Variants in CACUL1 observed in about 807,000 individuals in gnomAD.
CACUL1 encodes CDK2 associated cullin domain 1, also known as CDK2-associated and cullin domain-containing protein 1.
Under a neutral mutation model 45.2 loss-of-function variants are expected in CACUL1, and 13 were observed. The observed-to-expected ratio is 0.29, with a 90% CI of 0.19 to 0.46. CACUL1 has a LOEUF of 0.46. CACUL1 is among the 20% of genes least tolerant of loss of function. The pLI, the probability that CACUL1 is intolerant of heterozygous loss-of-function variation, is 1.00. For missense variants in CACUL1, 421 were observed against 471.4 expected (o/e 0.89, Z 0.99); for synonymous variants, 197 against 174.2 (o/e 1.13, Z -1.03).
chr10:118,696,326 A>G (rs1222373891), intron 5 of CACUL1, among the ~76,000 whole-genome samples: 6 of 152,168 alleles, frequency 3.9e-5, no homozygotes, highest in Admixed American at 6.5e-5. Flanking sequence ...AGCTTAAAAA[A>G]AAATTGCAAA....
chr10:118,701,513 A>T, intron 4 of CACUL1, 105 bp from the exon 5 acceptor site: 1 of 520,562 alleles, frequency 1.9e-6, no homozygotes, highest in Non-Finnish European at 3.2e-6. Context: ...AAAGGCATCA[A>T]TTAAAGCAGA....
chr10:118,729,241 G>T, intron 3 of CACUL1, 54 bp downstream of exon 3: 1 of 1,196,770 alleles, frequency 8.4e-7, no homozygotes, highest in Non-Finnish European at 1.2e-6. Flanking sequence ...AAAGCTAACT[G>T]CAACCAGTCA....
rs1845119776 is a variant in CACUL1 at position 118,678,579 on chromosome 10, G to A, written c.*7549C>T. 1 of 151,668 alleles carries A rather than the reference G, an allele frequency of 6.6e-6. No homozygotes were observed. The highest frequency in any genetic ancestry group is 2.1e-4 in the South Asian group (1 of 4,818). 9.4% of individuals were successfully genotyped at this position (151,668 alleles called of 1,614,324 possible). On this transcript the variant is annotated 3_prime_UTR_variant, in exon 9 of 9. Coordinates refer to ENST00000369151, the MANE Select transcript of CACUL1 (RefSeq NM_153810.5). ...AGTTGAGATTTAGATAATATTGAGTGTTATCCCTTATATTCTCTACACTTA... is the reference window on the plus strand; with the variant it reads ...AGTTGAGATTTAGATAATATTGAGTATTATCCCTTATATTCTCTACACTTA...
In CACUL1 at chr10:118,752,471, C is replaced by G. The variant is rs142365404; in HGVS notation, c.367+1925G>C. On this transcript the variant is annotated intron_variant, in intron 1 of 8. Coordinates refer to ENST00000369151, the MANE Select transcript of CACUL1 (RefSeq NM_153810.5). ...TTAGATAAGTAGATGTTAAACCATG[C>G]TTTCATCTCTAGGACTAACTCTATG... is the stretch of plus-strand genomic sequence containing the variant. Among the ~76,000 whole-genome samples, 390 of 152,250 alleles carry G rather than the reference C, an allele frequency of 2.6e-3. 2 individuals are homozygous for G. The highest frequency in any genetic ancestry group is 9.1e-3 in the African/African-American group (378 of 41,576).
At chr10:118,695,803 C>T (rs983346778) in intron 5 of CACUL1, among the ~76,000 whole-genome samples, 1 of 152,212 alleles carries the variant, frequency 6.6e-6, no homozygotes, top group African/African-American at 2.4e-5. Context: ...AGGTTATCTA[C>T]TGCCACACAA....
intron 3 of CACUL1, among the ~76,000 whole-genome samples, chr10:118,727,969 CAAT>C (rs1396581076): frequency 3.9e-5 from 6 of 152,184 alleles, no homozygotes; most frequent in African/African-American, 1.4e-4. Flanking sequence ...AATTTATACA[CAAT>C]GCCTAAGCAC....
chr10:118,686,742 C>A, intron 7 of CACUL1, 101 bp from the exon 8 acceptor site: 3 of 816,628 alleles, frequency 3.7e-6, no homozygotes, highest in South Asian at 1.5e-5. Flanking sequence ...CATTTCAGTT[C>A]TAACCAAACC....
intron 7 of CACUL1, among the ~76,000 whole-genome samples, chr10:118,690,232 C>T (rs1395437743): frequency 4.5e-5 from 6 of 134,118 alleles, no homozygotes; most frequent in South Asian, 2.5e-4. Flanking sequence ...ACCCGGGAAG[C>T]GGAGCTTGCA....
chr10:118,690,307 C>CGAAAAAAAAA (rs1554894045), intron 7 of CACUL1, among the ~76,000 whole-genome samples: 1 of 88,460 alleles, frequency 1.1e-5, no homozygotes, highest in African/African-American at 4.8e-5. Flanking sequence ...GACTCCGTCT[C>CGAAAAAAAAA]AAAAAAAAAA....
At chr10:118,691,658 G>A (rs1845269320) in intron 6 of CACUL1, 1 of 330,238 alleles carries the variant, frequency 3.0e-6, no homozygotes, top group African/African-American at 2.2e-5. Context: ...ACGAGGTCAG[G>A]AGATCGAGAC....
In CACUL1 at chr10:118,701,300, A is replaced by T; in HGVS notation, c.796+6T>A. On this transcript the variant is annotated splice_donor_region_variant and intron_variant, in intron 5 of 8. Coordinates refer to ENST00000369151, the MANE Select transcript of CACUL1 (RefSeq NM_153810.5). ...TTATCTCACCCGTATAAGCTGAATT[A>T]CTTACGCATTAGGCTGTAAATGTGC... is the stretch of plus-strand genomic sequence containing the variant. The T allele has an allele frequency of 6.7e-7, 1 of 1,484,872 alleles. No homozygotes were observed. Among genetic ancestry groups the T allele is most frequent in the Non-Finnish European group, 9.2e-7 (1 of 1,082,522 alleles). The allele number at this position is 1,484,872 out of a possible 1,614,324, so 92.0% of individuals were successfully genotyped here. A position where few individuals can be genotyped will look rare whatever the true frequency, so the allele number is the denominator to read the frequency against.
intron 1 of CACUL1, among the ~76,000 whole-genome samples, chr10:118,748,394 G>A (rs1373469425): frequency 2.0e-5 from 3 of 152,182 alleles, no homozygotes; most frequent in Admixed American, 6.5e-5. Flanking sequence ...CACTGAGAGA[G>A]CATCCATCTT....
chr10:118,740,435 C>A (rs773186190), intron 1 of CACUL1, among the ~76,000 whole-genome samples: 24 of 152,064 alleles, frequency 1.6e-4, no homozygotes, highest in Non-Finnish European at 3.2e-4. Context: ...CATGGCAAAA[C>A]CCCATCTCTA....
At chr10:118,690,360 T>G (rs1845253014) in intron 7 of CACUL1, among the ~76,000 whole-genome samples, 1 of 150,152 alleles carries the variant, frequency 6.7e-6, no homozygotes, top group Non-Finnish European at 1.5e-5. Flanking sequence ...TGGAAGCTAT[T>G]ACTGTGACCT....
Position 118,726,520 on chromosome 10 carries a change from T to A in CACUL1, c.597+2775A>T, listed in dbSNP as rs918723433. ...ACAATCACTGCCCTAATAGACTTCT[T>A]ATTGCTGAGATGCTATGGATCCACA... On this transcript the variant is annotated intron_variant, in intron 3 of 8. Coordinates refer to ENST00000369151, the MANE Select transcript of CACUL1 (RefSeq NM_153810.5). 5.1e-4 allele frequency: 153 copies of A among 302,780 alleles called. 1 individual carries two copies. Among genetic ancestry groups the A allele is most frequent in the Non-Finnish European group, 6.4e-4 (98 of 152,786 alleles). 18.8% of individuals were successfully genotyped at this position (302,780 alleles called of 1,614,324 possible). A position where few individuals can be genotyped will look rare whatever the true frequency, so the allele number is the denominator to read the frequency against.
intron 1 of CACUL1, among the ~76,000 whole-genome samples, chr10:118,738,801 G>A (rs1419131775): frequency 7.1e-6 from 1 of 141,106 alleles, no homozygotes; most frequent in South Asian, 2.3e-4. Context: ...CCAGAGAATA[G>A]AACTTGTTTA....
Position 118,681,782 on chromosome 10 carries a change from A to C in CACUL1, c.*4346T>G, listed in dbSNP as rs1035354437. On this transcript the variant is annotated 3_prime_UTR_variant, in exon 9 of 9. Transcript: ENST00000369151. ...GCCACTCGGCTCTGAAAAGAGGTTC[A>C]AGGTGGGTCAAGGTGGGTCTTGGCC... 1 of 152,330 alleles carries C rather than the reference A, an allele frequency of 6.6e-6. No individual in the cohort carries two copies. Among genetic ancestry groups the C allele is most frequent in the African/African-American group, 2.4e-5 (1 of 41,446 alleles). 9.4% of individuals were successfully genotyped at this position (152,330 alleles called of 1,614,324 possible).
At chr10:118,753,028 T>A (rs1357776529) in intron 1 of CACUL1, among the ~76,000 whole-genome samples, 1 of 152,200 alleles carries the variant, frequency 6.6e-6, no homozygotes, top group Non-Finnish European at 1.5e-5. Context: ...AATCCTTTTG[T>A]TCTCAATTTT....
intron 3 of CACUL1, among the ~76,000 whole-genome samples, chr10:118,721,247 T>A (rs1845597420): frequency 6.6e-6 from 1 of 152,236 alleles, no homozygotes; most frequent in African/African-American, 2.4e-5. Flanking sequence ...CAATCCTTGC[T>A]CTGATTTTAA....
Sources: allele counts gnomAD v4.1 joint callset (sites outside exome capture counted in the v4.1 genomes callset), GRCh38; gene constraint gnomAD v4.1.1; transcripts MANE v1.5; gene names NCBI Gene and HGNC (gene_info 2026-07-23, HGNC 2026-07-21).